The following FAM184A variants were observed in gnomAD, a reference collection of about 807,000 sequenced individuals.
FAM184A encodes the protein protein FAM184A.
FAM184A carries 99 observed loss-of-function variants against 143.8 expected under a neutral mutation model. The observed-to-expected ratio is 0.69, with a 90% CI of 0.58 to 0.81. The LOEUF (loss-of-function observed/expected upper bound fraction) is 0.81. Among genes scored for constraint, FAM184A ranks in the 40% least tolerant of loss-of-function variants. The pLI is 0.00. For missense variants in FAM184A, 1,217 were observed against 1,310.5 expected (o/e 0.93, Z 1.10); for synonymous variants, 427 against 446.4 (o/e 0.96, Z 0.55).
rs768268412 is a variant in FAM184A, at chr6:119,006,474, C to T, written c.1788G>A (p.Glu596=). 2 of 1,612,374 alleles carry T rather than the reference C, an allele frequency of 1.2e-6. No individual in the cohort carries two copies. The highest frequency in any genetic ancestry group is 4.5e-5 in the East Asian group (2 of 44,852). ...ELDLTKDSLK[E]TKDALLNVEG... ...CCACATTTAATAGAGCATCCTTGGT[C>T]TCCTTTAGGCTGTCTTTAGTCAAGT... Residue 596 remains glutamate, a synonymous_variant, in exon 7 of 18, where the codon GAG becomes GAA. Coordinates refer to ENST00000338891, the MANE Select transcript of FAM184A (RefSeq NM_024581.6).
Position 119,022,943 on chromosome 6 carries a change from A to T in FAM184A, c.1150+2T>A. 1.2e-6 allele frequency: 2 copies of T among 1,614,158 alleles called. No homozygotes were observed. Among genetic ancestry groups the T allele is most frequent in the East Asian group, 2.2e-5 (1 of 44,868 alleles). On this transcript the variant is annotated splice_donor_variant, in intron 3 of 17. Transcript: ENST00000338891. LOFTEE classifies it high-confidence loss of function. ...TACATCAAAAACTGTGGTCACACAT[A>T]CTAGCTTTGAGGACAAGATCTGAAG...
At chr6:119,070,839 C>T (rs1787658896) in intron 1 of FAM184A, among the ~76,000 whole-genome samples, 1 of 151,980 alleles carries the variant, frequency 6.6e-6, no homozygotes. Context: ...TTACGAACTC[C>T]CGTCATTCAC....
chr6:119,038,037 T>C (rs1454891063), intron 1 of FAM184A, among the ~76,000 whole-genome samples: 1 of 151,906 alleles, frequency 6.6e-6, no homozygotes, highest in Non-Finnish European at 1.5e-5. Context: ...TAAGAAGAAA[T>C]TTGACTTGTC....
intron 3 of FAM184A, 39 bp from the exon 4 acceptor site, chr6:119,020,198 A>G (rs1325337539): frequency 2.7e-6 from 4 of 1,460,238 alleles, no homozygotes; most frequent in Non-Finnish European, 3.6e-6. Context: ...TTTAAAAATC[A>G]GTTGTACTAT....
At chr6:119,131,239 C>T (rs143611496) in intron 1 of FAM184A, among the ~76,000 whole-genome samples, 11 of 152,172 alleles carry the variant, frequency 7.2e-5, no homozygotes, top group Admixed American at 3.3e-4. Flanking sequence ...CATCTGAAGA[C>T]GTAAAGATTC....
chr6:119,045,687 G>C (rs1054116886), intron 1 of FAM184A, among the ~76,000 whole-genome samples: 2 of 152,218 alleles, frequency 1.3e-5, no homozygotes, highest in Non-Finnish European at 2.9e-5. Flanking sequence ...ATGCACCACA[G>C]TGAAATTACT....
chr6:119,072,741 T>G (rs1787736713), intron 1 of FAM184A, among the ~76,000 whole-genome samples: 1 of 152,184 alleles, frequency 6.6e-6, no homozygotes, highest in Non-Finnish European at 1.5e-5. Flanking sequence ...GAACATTATA[T>G]TTGTATTTTT....
chr6:119,125,279 C>T, intron 1 of FAM184A, among the ~76,000 whole-genome samples: 1 of 151,976 alleles, frequency 6.6e-6, no homozygotes, highest in East Asian at 1.9e-4. Context: ...ATATTATTTC[C>T]TTCTTTTTTC....
intron 1 of FAM184A, among the ~76,000 whole-genome samples, chr6:119,030,253 AG>A (rs1186002306): frequency 6.6e-6 from 1 of 152,182 alleles, no homozygotes; most frequent in Non-Finnish European, 1.5e-5. Context: ...TGCTTTCATT[AG>A]TGATCACTTG....
rs1783897807 is a variant in FAM184A, at chr6:118,977,997, C to CT, written c.2455+1367dup. Among the ~76,000 whole-genome samples, 4 of 151,972 alleles carry CT rather than the reference C, an allele frequency of 2.6e-5. No individual in the cohort carries two copies. The South Asian group carries it at 8.3e-4, about 32-fold the overall frequency. On this transcript the variant is annotated intron_variant, in intron 11 of 17. Coordinates refer to ENST00000338891, the MANE Select transcript of FAM184A (RefSeq NM_024581.6). ...TTATTTTTTGAGACAGAGTTTTGCT[C>CT]TTGTTGCCCAGGCTGGAATGCAATG...
At chr6:119,074,403 G>T (rs1269690837) in intron 1 of FAM184A, among the ~76,000 whole-genome samples, 1 of 152,146 alleles carries the variant, frequency 6.6e-6, no homozygotes, top group Non-Finnish European at 1.5e-5. Context: ...TTCAGGCTTG[G>T]TCTGCAGTTT....
intron 1 of FAM184A, among the ~76,000 whole-genome samples, chr6:119,089,161 T>TC (rs1253888105): frequency 6.8e-6 from 1 of 147,580 alleles, no homozygotes; most frequent in Non-Finnish European, 1.5e-5. Flanking sequence ...TAACACCTAT[T>TC]TTTTTTTTTT....
intron 1 of FAM184A, among the ~76,000 whole-genome samples, chr6:119,083,946 C>A (rs1389620869): frequency 6.6e-6 from 1 of 152,102 alleles, no homozygotes; most frequent in Non-Finnish European, 1.5e-5. Context: ...ATAAAGAATA[C>A]CTGAGACTGG....
At chr6:119,033,666 A>AAC (rs1381988296) in intron 1 of FAM184A, among the ~76,000 whole-genome samples, 1 of 144,126 alleles carries the variant, frequency 6.9e-6, no homozygotes, top group Non-Finnish European at 1.5e-5. Context: ...CTCCGTCTCA[A>AAC]AAAAAAAAAA....
At chr6:119,129,761 G>T (rs532417023) in intron 1 of FAM184A, among the ~76,000 whole-genome samples, 4 of 151,840 alleles carry the variant, frequency 2.6e-5, no homozygotes, top group African/African-American at 9.7e-5. Flanking sequence ...TAACTTATTT[G>T]CATAAAAGAC....
intron 1 of FAM184A, among the ~76,000 whole-genome samples, chr6:119,107,016 T>C (rs1788805210): frequency 6.6e-6 from 1 of 152,234 alleles, no homozygotes; most frequent in African/African-American, 2.4e-5. Flanking sequence ...GTAGGCCATA[T>C]ATTACTTTCA....
chr6:119,147,153 C>T (rs1465048769), intron 1 of FAM184A, among the ~76,000 whole-genome samples: 6 of 151,316 alleles, frequency 4.0e-5, no homozygotes, highest in African/African-American at 1.5e-4. Context: ...ACCACTTCCT[C>T]CTCTTTCTCC....
At chr6:119,076,451 G>A (rs1036616403) in intron 1 of FAM184A, among the ~76,000 whole-genome samples, 1 of 152,128 alleles carries the variant, frequency 6.6e-6, no homozygotes, top group Non-Finnish European at 1.5e-5. Flanking sequence ...TGTCATGGGA[G>A]AAAACACCAG....
chr6:119,015,751 C>T (rs1785226837), intron 5 of FAM184A, among the ~76,000 whole-genome samples: 1 of 152,246 alleles, frequency 6.6e-6, no homozygotes, highest in African/African-American at 2.4e-5. Flanking sequence ...ACCTGCAGCC[C>T]CGGTGCGGGA....
Sources: allele counts gnomAD v4.1 joint callset (sites outside exome capture counted in the v4.1 genomes callset), GRCh38; gene constraint gnomAD v4.1.1; transcripts MANE v1.5; gene names NCBI Gene and HGNC (gene_info 2026-07-23, HGNC 2026-07-21).